Variants in INVS observed in about 807,000 individuals in gnomAD.
INVS encodes the protein inversion of embryo turning homolog.
A neutral mutation model predicts 108.8 loss-of-function variants in INVS; 86 were observed. The observed-to-expected ratio is 0.79, with a 90% CI of 0.66 to 0.95. The LOEUF (loss-of-function observed/expected upper bound fraction) is 0.95, where lower values mean the gene tolerates loss of function less well. Ranked by LOEUF, INVS falls within the 40% of genes least tolerant of loss-of-function variation. The pLI, the probability that INVS is intolerant of heterozygous loss-of-function variation, is 0.00. For missense variants in INVS, 1,169 were observed against 1,297.4 expected, an observed-to-expected ratio of 0.90 and a Z score of 1.52; for synonymous variants, 455 against 473.5, an observed-to-expected ratio of 0.96 and a Z score of 0.51.
chr9:100,169,776 T>C (rs2119035807), intron 3 of INVS, among the ~76,000 whole-genome samples: 2 of 152,332 alleles, frequency 1.3e-5, no homozygotes, highest in Middle Eastern at 3.4e-3. Context: ...TTATGGATTA[T>C]ATACTTAGTC....
At chr9:100,100,896 T>TATATATATA in intron 1 of INVS, among the ~76,000 whole-genome samples, 3 of 35,354 alleles carry the variant, frequency 8.5e-5, no homozygotes, top group African/African-American at 3.9e-4. Flanking sequence ...TAATATATAT[T>TATATATATA]ATATATGTAT....
At chr9:100,186,999 T>C (rs905101328) in intron 3 of INVS, among the ~76,000 whole-genome samples, 3 of 152,164 alleles carry the variant, frequency 2.0e-5, no homozygotes, top group African/African-American at 4.8e-5. Context: ...AGGTCTTAGA[T>C]TTCAGTCATT....
chr9:100,300,697 T>G lies in INVS; in HGVS notation c.*23T>G. ...TGACTGCCTATGGAGGAAGACTGTG[T>G]TCGGGGGAGCTGGCATAGCTAGTGC... On this transcript the variant is annotated 3_prime_UTR_variant, in exon 17 of 17. Coordinates refer to ENST00000262457, the MANE Select transcript of INVS (RefSeq NM_014425.5). 6.6e-7 allele frequency: 1 copy of G among 1,523,926 alleles called. No homozygotes were observed. The highest frequency in any genetic ancestry group is 9.1e-7 in the Non-Finnish European group (1 of 1,099,522). The allele number at this position is 1,523,926 out of a possible 1,614,324, so 94.4% of individuals were successfully genotyped here. A position where few individuals can be genotyped will look rare whatever the true frequency, so the allele number is the denominator to read the frequency against.
At position 100,292,804 on chromosome 9, in the gene INVS, A is replaced by G. The variant is rs767251184; in HGVS notation, c.2547A>G (p.Pro849=). ...KLTGGLYSHL[P]QSTEELRSGA... ...CAGGAGGGCTCTATTCACATTTGCC[A>G]CAGAGCACAGAGGAGTTGAGGTCAG... Residue 849 remains proline, a synonymous_variant, in exon 14 of 17, where the codon CCA becomes CCG. Coordinates refer to ENST00000262457, the MANE Select transcript of INVS (RefSeq NM_014425.5). 10 of 1,614,136 alleles carry G rather than the reference A, an allele frequency of 6.2e-6. No individual in the cohort carries two copies. The highest frequency in any genetic ancestry group is 1.3e-5 in the African/African-American group (1 of 75,022).
At chr9:100,207,558 G>T (rs1167790128) in intron 3 of INVS, among the ~76,000 whole-genome samples, 1 of 152,090 alleles carries the variant, frequency 6.6e-6, no homozygotes, top group Non-Finnish European at 1.5e-5. Flanking sequence ...CTCCCAAAGT[G>T]CTGGGATTAT....
intron 8 of INVS, among the ~76,000 whole-genome samples, chr9:100,250,271 C>G (rs375666125): frequency 2.8e-4 from 42 of 152,240 alleles, no homozygotes; most frequent in African/African-American, 8.9e-4. Flanking sequence ...CAATATAGCT[C>G]TCACCCAGCT....
intron 10 of INVS, among the ~76,000 whole-genome samples, chr9:100,256,099 A>T (rs1431270701): frequency 1.3e-5 from 2 of 152,108 alleles, no homozygotes; most frequent in Non-Finnish European, 2.9e-5. Context: ...GGAGCCTGTT[A>T]TTGGTCTATT....
chr9:100,207,773 T>A (rs1348917107), intron 3 of INVS, among the ~76,000 whole-genome samples: 1 of 152,218 alleles, frequency 6.6e-6, no homozygotes, highest in Non-Finnish European at 1.5e-5. Context: ...GTTGGTAACC[T>A]TTTTTCTTAC....
intron 12 of INVS, among the ~76,000 whole-genome samples, chr9:100,278,256 T>A (rs367901109): frequency 3.3e-4 from 31 of 94,700 alleles, no homozygotes; most frequent in African/African-American, 1.1e-3. Context: ...AAAAAAAAAA[T>A]TTATGTGAGG....
intron 3 of INVS, among the ~76,000 whole-genome samples, chr9:100,215,643 C>G (rs903634110): frequency 6.6e-6 from 1 of 152,188 alleles, no homozygotes; most frequent in African/African-American, 2.4e-5. Flanking sequence ...CATGGTCAGA[C>G]TATAGAAGGT....
intron 3 of INVS, among the ~76,000 whole-genome samples, chr9:100,179,073 C>G (rs572471896): frequency 1.3e-5 from 2 of 152,126 alleles, no homozygotes; most frequent in Non-Finnish European, 2.9e-5. Context: ...AAATCCTTTA[C>G]AGAGAAGCAA....
chr9:100,196,264 A>C (rs959658995), intron 3 of INVS, among the ~76,000 whole-genome samples: 2 of 152,150 alleles, frequency 1.3e-5, no homozygotes, highest in Admixed American at 1.3e-4. Context: ...GCCCCTCAGG[A>C]AGAAATTTAG....
At chr9:100,194,544 T>TTTCCTTTCTTCC (rs1219396470) in intron 3 of INVS, among the ~76,000 whole-genome samples, 2 of 152,154 alleles carry the variant, frequency 1.3e-5, no homozygotes, top group Non-Finnish European at 2.9e-5. Flanking sequence ...TCCTCCCTTC[T>TTTCCTTTCTTCC]TTCCTTTCTT....
At chr9:100,110,288 G>A (rs139121048) in intron 2 of INVS, among the ~76,000 whole-genome samples, 2 of 152,300 alleles carry the variant, frequency 1.3e-5, no homozygotes, top group East Asian at 1.9e-4. Context: ...TGGGGTATTA[G>A]TATTACCCTC....
chr9:100,256,926 C>A (rs556061521), intron 10 of INVS, among the ~76,000 whole-genome samples: 1 of 152,040 alleles, frequency 6.6e-6, no homozygotes, highest in Admixed American at 6.6e-5. Flanking sequence ...CTATTAGGTC[C>A]GCTTGGTGCA....
At chr9:100,111,285 C>T (rs1404455379) in intron 2 of INVS, among the ~76,000 whole-genome samples, 1 of 152,178 alleles carries the variant, frequency 6.6e-6, no homozygotes, top group Non-Finnish European at 1.5e-5. Flanking sequence ...TGCGGACTAG[C>T]ACAACTATAA....
chr9:100,273,215 T>C, intron 12 of INVS, 139 bp downstream of exon 12: 1 of 725,866 alleles, frequency 1.4e-6, no homozygotes, highest in Non-Finnish European at 2.5e-6. Flanking sequence ...CCGGTCATCT[T>C]CCCTCTTCTC....
At chr9:100,122,381 A>G (rs1464454481) in intron 2 of INVS, among the ~76,000 whole-genome samples, 1 of 151,854 alleles carries the variant, frequency 6.6e-6, no homozygotes, top group African/African-American at 2.4e-5. Flanking sequence ...TAGGAATTTT[A>G]TGTATTCTTG....
intron 2 of INVS, chr9:100,117,417 T>G: frequency 1.3e-6 from 1 of 789,944 alleles, no homozygotes; most frequent in Non-Finnish European, 2.2e-6. Flanking sequence ...TTGATCTTCA[T>G]GTCCTTGACC....
Sources: allele counts gnomAD v4.1 joint callset (sites outside exome capture counted in the v4.1 genomes callset), GRCh38; gene constraint gnomAD v4.1.1; transcripts MANE v1.5; gene names NCBI Gene and HGNC (gene_info 2026-07-23, HGNC 2026-07-21).